LIMK1: variants seen among roughly 807,000 people sequenced by gnomAD.
LIMK1 encodes LIM motif-containing protein kinase.
In LIMK1, 21 loss-of-function variants were observed where a neutral mutation model predicts 77.6. The observed-to-expected ratio is 0.27, with a 90% confidence interval of 0.19 to 0.39. The LOEUF is 0.39. Ranked by LOEUF, LIMK1 falls within the 10% of genes least tolerant of loss-of-function variation. LIMK1 has a pLI of 1.00. For missense variants in LIMK1, 696 were observed against 901.6 expected, an observed-to-expected ratio of 0.77 and a Z score of 2.92; for synonymous variants, 358 against 370.0, an observed-to-expected ratio of 0.97 and a Z score of 0.37.
chr7:74,086,203 G>A (rs1271456918), intron 2 of LIMK1, among the ~76,000 whole-genome samples: 2 of 151,720 alleles, frequency 1.3e-5, no homozygotes, highest in African/African-American at 4.8e-5. Context: ...GCACCACCAC[G>A]CCCAGCTAAT....
In LIMK1 at chr7:74,115,994, G is replaced by A. The variant is rs370247721; in HGVS notation, c.1567+36G>A. On this transcript the variant is annotated intron_variant, in intron 13 of 15. Transcript: ENST00000336180. ...CAGCCCTGCCCATCATGGCCCTCAC[G>A]GGAAGCCATGGGGGAGCCCAGGAGA... The A allele has an allele frequency of 9.4e-6, 15 of 1,595,580 alleles. No homozygotes were observed. In the African/African-American group the frequency reaches 1.3e-4, roughly 14 times the overall value.
chr7:74,092,420 A>G (rs911648632), intron 2 of LIMK1, among the ~76,000 whole-genome samples: 1 of 152,194 alleles, frequency 6.6e-6, no homozygotes, highest in African/African-American at 2.4e-5. Context: ...AGCCGGGACC[A>G]GATGCTGCCC....
chr7:74,117,922 A>G (rs941267271), intron 13 of LIMK1, among the ~76,000 whole-genome samples: 8 of 152,004 alleles, frequency 5.3e-5, no homozygotes, highest in Non-Finnish European at 1.2e-4. Flanking sequence ...AGCCTGGCCA[A>G]CATGGTGAAA....
At chr7:74,114,330 C>T (rs1469215921) in intron 12 of LIMK1, among the ~76,000 whole-genome samples, 1 of 150,120 alleles carries the variant, frequency 6.7e-6, no homozygotes, top group African/African-American at 2.5e-5. Context: ...TTGCTTGAGC[C>T]CAGGAGTTTG....
chr7:74,108,416 G>A (rs565607028), intron 9 of LIMK1, among the ~76,000 whole-genome samples: 9 of 152,068 alleles, frequency 5.9e-5, no homozygotes, highest in African/African-American at 2.2e-4. Flanking sequence ...AGGCTGAGCC[G>A]GGCGGATCAC....
chr7:74,089,762 G>C (rs1554694525), intron 2 of LIMK1, among the ~76,000 whole-genome samples: 2 of 152,134 alleles, frequency 1.3e-5, no homozygotes, highest in Non-Finnish European at 2.9e-5. Context: ...AGTCCAGTTG[G>C]AGGTAGGAAA....
At chr7:74,106,918 CAG>C in intron 7 of LIMK1, 90 bp from the exon 8 acceptor site, 5 of 1,255,928 alleles carry the variant, frequency 4.0e-6, no homozygotes, top group Non-Finnish European at 4.3e-6. Flanking sequence ...CTGGCATGGA[CAG>C]GGGCATGCAG....
At position 74,121,560 on chromosome 7, in the gene LIMK1, G is replaced by A. The variant is rs1481778693; in HGVS notation, c.*259G>A. ...TGTCTTGGCAGGGCTGTCCCCTCTTGCTTCTCCTTGCATGAGCTGGAGGGC... is the reference window on the plus strand; with the variant it reads ...TGTCTTGGCAGGGCTGTCCCCTCTTACTTCTCCTTGCATGAGCTGGAGGGC... On this transcript the variant is annotated 3_prime_UTR_variant, in exon 16 of 16. Transcript: ENST00000336180. The A allele has an allele frequency of 1.5e-5, 7 of 470,530 alleles. No individual in the cohort carries two copies. Among genetic ancestry groups the A allele is most frequent in the Non-Finnish European group, 2.6e-5 (7 of 266,612 alleles). The allele number at this position is 470,530 out of a possible 1,614,324, so 29.1% of individuals were successfully genotyped here. A position where few individuals can be genotyped will look rare whatever the true frequency, so the allele number is the denominator to read the frequency against.
At chr7:74,118,377 A>AACACACACACACAC (rs57707215) in intron 13 of LIMK1, among the ~76,000 whole-genome samples, 2 of 130,046 alleles carry the variant, frequency 1.5e-5, no homozygotes, top group African/African-American at 3.0e-5. Context: ...CTCTGTGTCA[A>AACACACACACACAC]ACACACACAC....
chr7:74,093,321 T>A (rs1554695070), intron 2 of LIMK1: 1 of 1,535,768 alleles, frequency 6.5e-7, no homozygotes, highest in South Asian at 1.2e-5. Context: ...TCCCCCTCCC[T>A]ACTTGTCCTG....
At chr7:74,085,905 T>A (rs1799129094) in intron 2 of LIMK1, 61 bp downstream of exon 2, 1 of 1,322,584 alleles carries the variant, frequency 7.6e-7, no homozygotes. Context: ...GAGGACAGGC[T>A]GGTCAAGGAA....
intron 5 of LIMK1, among the ~76,000 whole-genome samples, chr7:74,105,650 G>A (rs11980502): frequency 0.016 from 2,383 of 152,234 alleles, 59 homozygotes; most frequent in African/African-American, 0.053. Context: ...GTGCCTACAA[G>A]CGTGCCACCT....
At chr7:74,094,888 A>AGGCCTCCCTTCCT (rs1162730653) in intron 2 of LIMK1, among the ~76,000 whole-genome samples, 1 of 152,076 alleles carries the variant, frequency 6.6e-6, no homozygotes, top group Non-Finnish European at 1.5e-5. Context: ...GGAATGCACC[A>AGGCCTCCCTTCCT]GGCCTCCCTT....
intron 12 of LIMK1, among the ~76,000 whole-genome samples, chr7:74,112,938 A>G (rs555546797): frequency 7.2e-5 from 11 of 152,284 alleles, no homozygotes; most frequent in Admixed American, 7.2e-4. Context: ...CCAAAAGCAC[A>G]GGAGCGAGTA....
intron 1 of LIMK1, among the ~76,000 whole-genome samples, chr7:74,084,543 G>T (rs1461918907): frequency 6.6e-6 from 1 of 152,114 alleles, no homozygotes; most frequent in Non-Finnish European, 1.5e-5. Context: ...TGCCCCCCCG[G>T]TGTCGGTGAT....
Position 74,121,615 on chromosome 7 carries a change from C to T in LIMK1, c.*314C>T, listed in dbSNP as rs558906329. On this transcript the variant is annotated 3_prime_UTR_variant, in exon 16 of 16. Coordinates refer to ENST00000336180, the MANE Select transcript of LIMK1 (RefSeq NM_002314.4). ...GTGAGTTACGCCCCTTTCCACACGC[C>T]GCTGCCCCAGCAACCCTGTTCACGC... 104 of 345,252 alleles carry T rather than the reference C, an allele frequency of 3.0e-4. No homozygotes were observed. The highest frequency in any genetic ancestry group is 4.8e-4 in the Non-Finnish European group (91 of 189,272). 21.4% of individuals were successfully genotyped at this position (345,252 alleles called of 1,614,324 possible).
rs782726695 is a variant in LIMK1, at chr7:74,121,200, C to G, written c.1843C>G (p.Leu615Val). ...ETLRMHLAGH[L>V]PLGPQLEQLD... is the part of the protein sequence containing the mutation. ...CCTCCGCATGCACCTGGCCGGCCACCTGCCACTGGGCCCACAGCTGGAGCA... is the reference window on the plus strand; with the variant it reads ...CCTCCGCATGCACCTGGCCGGCCACGTGCCACTGGGCCCACAGCTGGAGCA... Residue 615 changes from leucine to valine, a missense_variant, in exon 16 of 16, where the codon CTG becomes GTG. Physicochemically the swap from Leu to Val is conservative, Grantham distance 32. Transcript: ENST00000336180. The G allele has an allele frequency of 1.2e-6, 2 of 1,613,902 alleles. No homozygotes were observed. The highest frequency in any genetic ancestry group is 1.7e-6 in the Non-Finnish European group (2 of 1,179,980).
chr7:74,106,042 C>A (rs1281544296), intron 6 of LIMK1, 35 bp from the exon 7 acceptor site: 2 of 1,613,598 alleles, frequency 1.2e-6, no homozygotes, highest in Non-Finnish European at 8.5e-7. Flanking sequence ...GCCCCCTCCC[C>A]ACTCCACCCC....
At position 74,117,920 on chromosome 7, in the gene LIMK1, C is replaced by T. The variant is rs888408740; in HGVS notation, c.1567+1962C>T. Among the ~76,000 whole-genome samples, 6 of 151,634 alleles carry T rather than the reference C, an allele frequency of 4.0e-5. No homozygotes were observed. The East Asian group carries it at 1.2e-3, about 29-fold the overall frequency. Reference sequence around the variant, plus strand: ...GCCAGGAGTTCGAGACCAGCCTGGCCAACATGGTGAAACGCTGTCTCTACT... The same window carrying T: ...GCCAGGAGTTCGAGACCAGCCTGGCTAACATGGTGAAACGCTGTCTCTACT... On this transcript the variant is annotated intron_variant, in intron 13 of 15. Coordinates refer to ENST00000336180, the MANE Select transcript of LIMK1 (RefSeq NM_002314.4).
Sources: gnomAD v4.1 joint callset for allele counts (sites outside exome capture counted in the v4.1 genomes callset) on GRCh38, gnomAD v4.1.1 for gene constraint, MANE v1.5 for transcripts, NCBI Gene and HGNC (gene_info 2026-07-23, HGNC 2026-07-21) for gene names.